SASH1: variants seen among roughly 807,000 people sequenced by gnomAD.
SASH1 encodes SAM and SH3 domain-containing protein 1.
Under a neutral mutation model 125.2 loss-of-function variants are expected in SASH1, and 44 were observed. That is an observed-to-expected ratio of 0.35 (90% CI 0.28 to 0.45). The LOEUF (loss-of-function observed/expected upper bound fraction) is 0.45. Among genes scored for constraint, SASH1 ranks in the 20% least tolerant of loss-of-function variants. The pLI, the probability that SASH1 is intolerant of heterozygous loss-of-function variation, is 1.00. For missense variants in SASH1, 1,426 were observed against 1,614.5 expected (o/e 0.88, Z 2.00); for synonymous variants, 639 against 649.1 (o/e 0.98, Z 0.24).
At chr6:148,406,787 G>T (rs1784393575) in intron 2 of SASH1, among the ~76,000 whole-genome samples, 1 of 150,442 alleles carries the variant, frequency 6.6e-6, no homozygotes, top group African/African-American at 2.5e-5. Context: ...CAAGGGAGGA[G>T]CAGAGAGAAT....
In SASH1 at chr6:148,409,509, AGAAATTTCT is replaced by A. The variant is rs765399021; in HGVS notation, c.285+19248_285+19256del. Among the ~76,000 whole-genome samples the A allele has an allele frequency of 1.3e-3, 197 of 152,356 alleles. 1 individual carries two copies. Among genetic ancestry groups the A allele is most frequent in the Non-Finnish European group, 2.3e-3 (154 of 68,034 alleles). The stretch of plus-strand genomic sequence containing the variant: ...ACCAGTACCACCTCAGGGCTATGTA[AGAAATTTCT>A]TACCTTAGTGACTTCAAGATTGTCA... On this transcript the variant is annotated intron_variant, in intron 2 of 19. Coordinates refer to ENST00000367467, the MANE Select transcript of SASH1 (RefSeq NM_015278.5).
chr6:148,384,882 A>G (rs1783296913), intron 1 of SASH1, among the ~76,000 whole-genome samples: 2 of 152,198 alleles, frequency 1.3e-5, no homozygotes, highest in African/African-American at 4.8e-5. Context: ...CCCATATAAC[A>G]TAGAAATGAT....
chr6:148,262,573 G>T, the SASH1 span, among the ~76,000 whole-genome samples: 1 of 152,160 alleles, frequency 6.6e-6, no homozygotes, highest in African/African-American at 2.4e-5. Flanking sequence ...ATCCCAGGGA[G>T]CAAGTTGAAT....
chr6:148,200,584 C>T, the SASH1 span, among the ~76,000 whole-genome samples: 291 of 152,326 alleles, frequency 1.9e-3, 1 homozygote, highest in African/African-American at 5.7e-3. Flanking sequence ...ATTGGTGTGG[C>T]TCTTGAACAA....
At chr6:148,469,273 G>A (rs1777989417) in intron 5 of SASH1, among the ~76,000 whole-genome samples, 1 of 152,164 alleles carries the variant, frequency 6.6e-6, no homozygotes, top group Non-Finnish European at 1.5e-5. Context: ...TGGGAACAAT[G>A]ATGTGTCATA....
chr6:148,405,449 C>T (rs781181126), intron 2 of SASH1, among the ~76,000 whole-genome samples: 2 of 152,156 alleles, frequency 1.3e-5, no homozygotes, highest in Non-Finnish European at 2.9e-5. Flanking sequence ...CTGCATTCTA[C>T]TCCAGGCTCA....
intron 1 of SASH1, among the ~76,000 whole-genome samples, chr6:148,370,737 G>T (rs1782674170): frequency 6.6e-6 from 1 of 151,928 alleles, no homozygotes; most frequent in East Asian, 1.9e-4. Flanking sequence ...GCAGGAGAAT[G>T]AAGTGAACCC....
chr6:148,517,101 C>T (rs1025515324), intron 9 of SASH1, among the ~76,000 whole-genome samples: 1 of 152,196 alleles, frequency 6.6e-6, no homozygotes, highest in Non-Finnish European at 1.5e-5. Context: ...TTGTAGAAAG[C>T]CTTTCAGTTC....
chr6:148,533,773 A>G lies in SASH1; in HGVS notation c.1737A>G (p.Lys579=). Residue 579 remains lysine (K), a splice_region_variant and synonymous_variant, in exon 15 of 20, where the codon AAA becomes AAG. Coordinates refer to ENST00000367467, the MANE Select transcript of SASH1 (RefSeq NM_015278.5). The surrounding 1 kb of genome is among the most constrained non-coding windows in gnomAD (Gnocchi z 6.2). ...PYDTDSLKLK[K]GDIIDIISKP... ...GATCTTTGCTCCCTGGGCCACAGAA[A>G]GGAGATATCATCGATATAATCAGCA... The G allele has an allele frequency of 1.2e-6, 2 of 1,612,174 alleles. No individual in the cohort carries two copies. The highest frequency in any genetic ancestry group is 1.7e-6 in the Non-Finnish European group (2 of 1,179,206).
At chr6:148,386,709 C>T (rs943608804) in intron 1 of SASH1, among the ~76,000 whole-genome samples, 6 of 152,192 alleles carry the variant, frequency 3.9e-5, no homozygotes, top group Non-Finnish European at 5.9e-5. Context: ...CCAAAGAGCC[C>T]AGGATCTTCC....
chr6:148,337,357 G>A (rs1354079974), intron 1 of SASH1, among the ~76,000 whole-genome samples: 1 of 151,912 alleles, frequency 6.6e-6, no homozygotes, highest in Non-Finnish European at 1.5e-5. Context: ...CCAAATAGCT[G>A]GGACTACAGG....
intron 6 of SASH1, among the ~76,000 whole-genome samples, chr6:148,473,428 A>G (rs1282976228): frequency 6.6e-6 from 1 of 151,872 alleles, no homozygotes; most frequent in Non-Finnish European, 1.5e-5. Flanking sequence ...TAATTTCTGT[A>G]TTTTTAGTGG....
the SASH1 span, among the ~76,000 whole-genome samples, chr6:148,223,793 G>C: frequency 6.6e-6 from 1 of 152,190 alleles, no homozygotes; most frequent in Non-Finnish European, 1.5e-5. Flanking sequence ...AAATGCTGAT[G>C]TGTAGATTTA....
At chr6:148,400,877 T>C (rs1243308791) in intron 2 of SASH1, among the ~76,000 whole-genome samples, 1 of 152,224 alleles carries the variant, frequency 6.6e-6, no homozygotes, top group African/African-American at 2.4e-5. Flanking sequence ...CATTTGGGAT[T>C]GTCTTTTCTT....
chr6:148,544,514 A>G lies in SASH1; in HGVS notation c.3044A>G (p.Asp1015Gly), dbSNP rs1210633807. The G allele has an allele frequency of 5.0e-6, 8 of 1,613,228 alleles. 1 individual carries two copies. The South Asian group carries it at 8.8e-5, about 18-fold the overall frequency. ...MGPSGALPSP[D>G]APCLPVKRGS... Reference sequence around the variant, plus strand: ...CCCAGTGGGGCCCTCCCCAGTCCCGATGCGCCATGCCTGCCAGTGAAAAGG... The same window carrying G: ...CCCAGTGGGGCCCTCCCCAGTCCCGGTGCGCCATGCCTGCCAGTGAAAAGG... Residue 1015 changes from aspartate (D) to glycine (G), a missense_variant, in exon 18 of 20, where the codon GAT becomes GGT. Asp to Gly is a moderately conservative substitution (Grantham distance 94). Coordinates refer to ENST00000367467, the MANE Select transcript of SASH1 (RefSeq NM_015278.5). The surrounding 1 kb of genome is among the most constrained non-coding windows in gnomAD (Gnocchi z 6.4).
At position 148,514,436 on chromosome 6, in the gene SASH1, T is replaced by C. The variant is rs760558526; in HGVS notation, c.842T>C (p.Met281Thr). ...VRKKLIRVEE[M>T]KKPSTEGGEE... ...AAGAAACTAATTAGGGTGGAAGAAA[T>C]GAAAAAACCCAGCACTGAAGGTAAA... Residue 281 changes from methionine to threonine, a missense_variant, in exon 9 of 20, where the codon ATG becomes ACG. Met to Thr is a moderately conservative substitution (Grantham distance 81). Coordinates refer to ENST00000367467, the MANE Select transcript of SASH1 (RefSeq NM_015278.5). 2.4e-6 allele frequency: 2 copies of C among 843,638 alleles called. No homozygotes were observed. Among genetic ancestry groups the C allele is most frequent in the South Asian group, 2.6e-5 (1 of 38,122 alleles). The allele number at this position is 843,638 out of a possible 1,614,324, so 52.3% of individuals were successfully genotyped here. A position where few individuals can be genotyped will look rare whatever the true frequency, so the allele number is the denominator to read the frequency against.
intron 8 of SASH1, among the ~76,000 whole-genome samples, chr6:148,488,752 G>C (rs1778979242): frequency 1.3e-5 from 2 of 152,160 alleles, no homozygotes; most frequent in South Asian, 4.1e-4. Flanking sequence ...TCTTTCACAT[G>C]TTCATTGGCC....
intron 1 of SASH1, among the ~76,000 whole-genome samples, chr6:148,322,282 G>A (rs1429547294): frequency 6.6e-6 from 1 of 152,140 alleles, no homozygotes. Flanking sequence ...AACCCGGGAA[G>A]TGGAGATTGC....
At chr6:148,321,000 G>A (rs1241948160) in intron 1 of SASH1, among the ~76,000 whole-genome samples, 1 of 152,150 alleles carries the variant, frequency 6.6e-6, no homozygotes, top group East Asian at 1.9e-4. Context: ...TGCACTAACC[G>A]TCCAGTCTCT....
Sources: allele counts gnomAD v4.1 joint callset (sites outside exome capture counted in the v4.1 genomes callset), GRCh38; gene constraint gnomAD v4.1.1; non-coding constraint Gnocchi (gnomAD v3.1); transcripts MANE v1.5; gene names NCBI Gene and HGNC (gene_info 2026-07-23, HGNC 2026-07-21).